The following SPHKAP variants were observed in gnomAD, a reference collection of about 807,000 sequenced individuals.
The protein encoded by SPHKAP is SPHK1 interactor, AKAP domain containing.
SPHKAP carries 67 observed loss-of-function variants against 137.5 expected under a neutral mutation model. The observed-to-expected ratio is 0.49, with a 90% CI of 0.40 to 0.60. The LOEUF (loss-of-function observed/expected upper bound fraction) is 0.60. SPHKAP is among the 20% of genes least tolerant of loss of function. The probability of loss-of-function intolerance (pLI) is 0.00; values close to 1 mark genes in which losing one functional copy is unlikely to be tolerated. For synonymous variants in SPHKAP, 813 were observed against 785.3 expected (o/e 1.04, Z -0.59); for missense variants, 2,097 against 2,069.3 (o/e 1.01, Z -0.26).
At chr2:228,155,675 C>T (rs1700088149) in intron 1 of SPHKAP, among the ~76,000 whole-genome samples, 1 of 152,116 alleles carries the variant, frequency 6.6e-6, no homozygotes, top group Non-Finnish European at 1.5e-5. Flanking sequence ...ACTGAGAAAA[C>T]TGAATTAAGA....
In SPHKAP at chr2:228,018,838, G is replaced by A. The variant is rs1694717371; in HGVS notation, c.2016C>T (p.Ser672=). Residue 672 remains serine (S), a synonymous_variant, in exon 7 of 12, where the codon TCC becomes TCT. Transcript: ENST00000392056. Reference sequence around the variant, plus strand: ...CAATGGAATGCCTCAGGATAACATTGGACAGGGTATGTGCCAGTTCATTCC... The same window carrying A: ...CAATGGAATGCCTCAGGATAACATTAGACAGGGTATGTGCCAGTTCATTCC... ...VVRNELAHTL[S]NVILRHSIDE... The A allele has an allele frequency of 1.2e-6, 2 of 1,614,180 alleles. No homozygotes were observed. The highest frequency in any genetic ancestry group is 1.7e-6 in the Non-Finnish European group (2 of 1,180,024).
chr2:227,992,873 G>A (rs1693466564), intron 9 of SPHKAP, among the ~76,000 whole-genome samples: 1 of 152,110 alleles, frequency 6.6e-6, no homozygotes, highest in Non-Finnish European at 1.5e-5. Context: ...AATCACAATG[G>A]TCAAAAATAG....
At chr2:228,180,402 A>G (rs1700870762) in intron 1 of SPHKAP, among the ~76,000 whole-genome samples, 1 of 148,836 alleles carries the variant, frequency 6.7e-6, no homozygotes, top group African/African-American at 2.5e-5. Flanking sequence ...CTCCCACCGC[A>G]TCTCGGCTCC....
In SPHKAP at chr2:228,018,823, C is replaced by G. The variant is rs553600575; in HGVS notation, c.2031G>C (p.Arg677Ser). 4.5e-4 allele frequency: 724 copies of G among 1,614,194 alleles called. 8 individuals are homozygous for G. In the South Asian group the frequency reaches 7.2e-3, roughly 16 times the overall value. Reference protein sequence around the residue: ...LAHTLSNVILRHSIDEVHHKN... With the variant: ...LAHTLSNVILSHSIDEVHHKN... ...TGTGGTGAACTTCATCAATGGAATG[C>G]CTCAGGATAACATTGGACAGGGTAT... The change falls in exon 7 of 12, where the codon AGG becomes AGC. Residue 677 changes from arginine (R) to serine (S), a missense_variant. By Grantham distance (110) the Arg-to-Ser change is moderately radical. Coordinates refer to ENST00000392056, the MANE Select transcript of SPHKAP (RefSeq NM_001142644.2).
intron 1 of SPHKAP, among the ~76,000 whole-genome samples, chr2:228,175,104 T>C (rs1049629739): frequency 2.6e-4 from 39 of 150,786 alleles, no homozygotes; most frequent in African/African-American, 9.5e-4. Flanking sequence ...GCAATTAAAA[T>C]TCTAGAAGGA....
chr2:228,162,546 TC>T (rs1432126975), intron 1 of SPHKAP, among the ~76,000 whole-genome samples: 2 of 152,210 alleles, frequency 1.3e-5, no homozygotes, highest in African/African-American at 4.8e-5. Flanking sequence ...TGAAAAGTGT[TC>T]AATGAAATTA....
intron 1 of SPHKAP, among the ~76,000 whole-genome samples, chr2:228,163,191 G>C (rs1413091175): frequency 6.6e-6 from 1 of 152,248 alleles, no homozygotes; most frequent in Middle Eastern, 3.4e-3. Context: ...ATGACAGGCT[G>C]GGGATTACCA....
intron 3 of SPHKAP, 45 bp from the exon 4 acceptor site, chr2:228,027,588 A>G: frequency 6.3e-7 from 1 of 1,587,954 alleles, no homozygotes. Flanking sequence ...CAAAAACCTG[A>G]CTGTCTTTTT....
chr2:228,118,305 T>TG (rs1365907984), intron 2 of SPHKAP, among the ~76,000 whole-genome samples: 1 of 151,360 alleles, frequency 6.6e-6, no homozygotes, highest in Non-Finnish European at 1.5e-5. Context: ...TGTTTCAGTT[T>TG]GGGGCAAATA....
At chr2:228,158,590 A>G (rs1314841205) in intron 1 of SPHKAP, among the ~76,000 whole-genome samples, 4 of 152,228 alleles carry the variant, frequency 2.6e-5, no homozygotes, top group African/African-American at 9.6e-5. Flanking sequence ...CAAGAAGAAT[A>G]GAATTGGGAA....
intron 3 of SPHKAP, among the ~76,000 whole-genome samples, chr2:228,031,998 G>A (rs1390031902): frequency 2.0e-5 from 3 of 152,180 alleles, no homozygotes; most frequent in Non-Finnish European, 4.4e-5. Context: ...AAGGAACGCA[G>A]CTCCTCACCA....
chr2:227,983,107 AAATT>A (rs1693063754), intron 11 of SPHKAP, among the ~76,000 whole-genome samples: 3 of 152,094 alleles, frequency 2.0e-5, no homozygotes, highest in East Asian at 1.9e-4. Flanking sequence ...GGATTTTTTA[AAATT>A]AATTAATTAT....
intron 7 of SPHKAP, 35 bp downstream of exon 7, chr2:228,016,371 C>T: frequency 1.3e-6 from 2 of 1,526,822 alleles, no homozygotes; most frequent in Non-Finnish European, 1.8e-6. Context: ...ACTCCAGTCA[C>T]ATGCACCCTA....
intron 3 of SPHKAP, among the ~76,000 whole-genome samples, chr2:228,105,604 T>C (rs1698316336): frequency 6.6e-6 from 1 of 152,176 alleles, no homozygotes; most frequent in Non-Finnish European, 1.5e-5. Context: ...TCATCTTGAA[T>C]TGTAGCTCCC....
In SPHKAP at chr2:228,018,721, T is replaced by C; in HGVS notation, c.2133A>G (p.Gln711=). Residue 711 remains glutamine (Q), a synonymous_variant, in exon 7 of 12, where the codon CAA becomes CAG. Transcript: ENST00000392056. ...ILDTLMESTN[Q]LLLDVICFTF... ...TGAAGCATATCACATCTAAAAGCAG[T>C]TGATTTGTACTTTCCATTAAGGTGT... 1 of 1,614,174 alleles carries C rather than the reference T, an allele frequency of 6.2e-7. No homozygotes were observed.
chr2:228,164,420 C>T (rs1362641093), intron 1 of SPHKAP, among the ~76,000 whole-genome samples: 1 of 152,216 alleles, frequency 6.6e-6, no homozygotes, highest in Non-Finnish European at 1.5e-5. Context: ...TACATATGTC[C>T]TATTAATGCT....
intron 1 of SPHKAP, among the ~76,000 whole-genome samples, chr2:228,168,051 A>C (rs892375962): frequency 4.6e-5 from 7 of 152,118 alleles, no homozygotes; most frequent in Non-Finnish European, 1.0e-4. Flanking sequence ...TATCTAACAA[A>C]ACTTTAGCAT....
intron 3 of SPHKAP, among the ~76,000 whole-genome samples, chr2:228,098,624 G>A (rs568218390): frequency 2.0e-5 from 3 of 151,932 alleles, no homozygotes; most frequent in Non-Finnish European, 4.4e-5. Context: ...GGGTGGTGGG[G>A]TGGGGGAGGG....
intron 1 of SPHKAP, among the ~76,000 whole-genome samples, chr2:228,163,325 CGA>C (rs367853190): frequency 2.7e-5 from 4 of 150,348 alleles, no homozygotes; most frequent in African/African-American, 2.4e-5. Flanking sequence ...AGAGAGAAAA[CGA>C]GAGAGAGAGA....
Sources: allele counts gnomAD v4.1 joint callset (sites outside exome capture counted in the v4.1 genomes callset), GRCh38; gene constraint gnomAD v4.1.1; transcripts MANE v1.5; gene names NCBI Gene and HGNC (gene_info 2026-07-23, HGNC 2026-07-21).